The following HDAC8 variants were observed in gnomAD, a reference collection of about 807,000 sequenced individuals.
HDAC8 encodes histone deacetylase 8.
A neutral mutation model predicts 32.2 loss-of-function variants in HDAC8; 1 was observed. The observed-to-expected ratio is 0.03, with a 90% CI of 0.01 to 0.15. The LOEUF is 0.15. HDAC8 is among the 10% of genes least tolerant of loss of function. HDAC8 has a pLI of 1.00. For synonymous variants in HDAC8, 108 were observed against 113.9 expected (o/e 0.95, Z 0.33); for missense variants, 117 against 300.0 (o/e 0.39, Z 4.51).
intron 9 of HDAC8, among the ~76,000 whole-genome samples, chrX:72,433,306 AC>A (rs2046868031): frequency 9.0e-6 from 1 of 111,236 alleles, no homozygotes; most frequent in Non-Finnish European, 1.9e-5. Flanking sequence ...AATGCATAGA[AC>A]AGTCCCCCTA....
intron 9 of HDAC8, among the ~76,000 whole-genome samples, chrX:72,370,841 T>C (rs782121224): frequency 8.9e-6 from 1 of 111,917 alleles, no homozygotes; most frequent in South Asian, 3.8e-4. Flanking sequence ...TCCTTTCACA[T>C]TTTTCTGCCT....
At chrX:72,372,422 C>T (rs144369925) in intron 9 of HDAC8, among the ~76,000 whole-genome samples, 11 of 111,092 alleles carry the variant, frequency 9.9e-5, no homozygotes, top group East Asian at 2.8e-4. Flanking sequence ...CTATATAGCA[C>T]GGGGCCTAGA....
chrX:72,515,598 T>TGGGGGGGGAG (rs1436119028), intron 4 of HDAC8, among the ~76,000 whole-genome samples: 1 of 22,160 alleles, frequency 4.5e-5, no homozygotes, highest in Non-Finnish European at 8.0e-5. Context: ...GGGGGGGGGG[T>TGGGGGGGGAG]GGGGGGGAAG....
rs782351929 is a variant in HDAC8 at position 72,542,076 on chromosome X, T to TTGA, written c.437+25810_437+25812dup. 7.1e-3 allele frequency among the ~76,000 whole-genome samples: 798 copies of TTGA among 112,402 alleles called. 12 individuals are homozygous for TTGA. The highest frequency in any genetic ancestry group is 0.024 in the African/African-American group (753 of 30,951). ...CCTTCTCTTCACCCCCAACAGCCAA[T>TTGA]TGATCACCATGTCCATTCTGTCAAT... On this transcript the variant is annotated intron_variant, in intron 4 of 10. Transcript: ENST00000373573.
intron 7 of HDAC8, among the ~76,000 whole-genome samples, chrX:72,483,229 G>C (rs1009936707): frequency 9.0e-6 from 1 of 111,626 alleles, no homozygotes; most frequent in African/African-American, 3.3e-5. Context: ...GATATAGTTT[G>C]AATGTGTGTC....
At chrX:72,442,330 G>T (rs530102463) in intron 9 of HDAC8, among the ~76,000 whole-genome samples, 1 of 111,516 alleles carries the variant, frequency 9.0e-6, no homozygotes, top group Non-Finnish European at 1.9e-5. Flanking sequence ...GACTAACAGC[G>T]GATCTCTCGG....
chrX:72,397,256 G>A (rs781881574), intron 9 of HDAC8, among the ~76,000 whole-genome samples: 3 of 111,439 alleles, frequency 2.7e-5, no homozygotes, highest in Admixed American at 9.5e-5. Flanking sequence ...ATTTGAGTGC[G>A]GACAAATATT....
rs1439136402 is a variant in HDAC8, at chrX:72,354,257, A to T, written c.1006-2419T>A. ...AGTCTGGGTTCCTCAAGTTCTCCCC[A>T]CCTTTGCCAATCAGATGTTATTCCC... On this transcript the variant is annotated intron_variant, in intron 9 of 10. Transcript: ENST00000373573. Among the ~76,000 whole-genome samples the T allele has an allele frequency of 2.7e-5, 3 of 111,690 alleles. No homozygotes were observed. The East Asian group carries it at 8.4e-4, about 31-fold the overall frequency.
chrX:72,477,250 T>C (rs1387928431), intron 7 of HDAC8, among the ~76,000 whole-genome samples: 1 of 111,933 alleles, frequency 8.9e-6, no homozygotes, highest in East Asian at 2.8e-4. Context: ...CTTGTGCTTA[T>C]GCTCTCTGCC....
chrX:72,378,040 A>AT (rs1195046912), intron 9 of HDAC8, among the ~76,000 whole-genome samples: 20 of 104,670 alleles, frequency 1.9e-4, no homozygotes, highest in Admixed American at 4.1e-4. Flanking sequence ...GTATATGTAT[A>AT]TTTTTTTTTT....
intron 10 of HDAC8, among the ~76,000 whole-genome samples, chrX:72,346,691 C>A (rs2044036637): frequency 9.4e-6 from 1 of 106,447 alleles, no homozygotes; most frequent in African/African-American, 3.5e-5. Flanking sequence ...GGTGAGCTGG[C>A]TTCTCCTACC....
At chrX:72,400,502 A>G (rs1255322564) in intron 9 of HDAC8, among the ~76,000 whole-genome samples, 3 of 111,929 alleles carry the variant, frequency 2.7e-5, no homozygotes, top group East Asian at 5.6e-4. Flanking sequence ...CATCCCACAC[A>G]CAATATGTGA....
chrX:72,400,138 C>T (rs2045865549), intron 9 of HDAC8, among the ~76,000 whole-genome samples: 1 of 111,657 alleles, frequency 9.0e-6, no homozygotes, highest in Non-Finnish European at 1.9e-5. Flanking sequence ...CTAGTTCTTC[C>T]TCATTTCTCC....
intron 9 of HDAC8, among the ~76,000 whole-genome samples, chrX:72,403,422 C>T (rs1258563975): frequency 2.7e-5 from 3 of 112,013 alleles, no homozygotes; most frequent in Non-Finnish European, 5.6e-5. Flanking sequence ...AGCTTCACTG[C>T]CTCCCTCTCT....
At chrX:72,484,756 C>G (rs1288336733) in intron 7 of HDAC8, among the ~76,000 whole-genome samples, 1 of 111,833 alleles carries the variant, frequency 8.9e-6, no homozygotes, top group Non-Finnish European at 1.9e-5. Context: ...TAGTGCCCTA[C>G]TATTTATCAA....
intron 4 of HDAC8, among the ~76,000 whole-genome samples, chrX:72,496,376 A>G (rs1426187677): frequency 2.7e-5 from 3 of 110,669 alleles, no homozygotes; most frequent in African/African-American, 9.8e-5. Flanking sequence ...ATATCTTTAG[A>G]CACTGACTTT....
intron 9 of HDAC8, among the ~76,000 whole-genome samples, chrX:72,391,100 C>T (rs1415922325): frequency 8.9e-6 from 1 of 111,869 alleles, no homozygotes; most frequent in East Asian, 2.8e-4. Context: ...CCTGTATTAG[C>T]CAGTATCACT....
intron 7 of HDAC8, among the ~76,000 whole-genome samples, chrX:72,472,357 G>A (rs544905989): frequency 8.1e-5 from 9 of 111,494 alleles, no homozygotes; most frequent in African/African-American, 2.6e-4. Context: ...GTGAGCCACC[G>A]CGCCCGGCCC....
intron 4 of HDAC8, among the ~76,000 whole-genome samples, chrX:72,513,844 C>T (rs1205178117): frequency 1.8e-5 from 2 of 111,578 alleles, no homozygotes; most frequent in Non-Finnish European, 3.8e-5. Context: ...GGGCCTGTGA[C>T]CCATTGTTCA....
Sources: allele counts gnomAD v4.1 joint callset (sites outside exome capture counted in the v4.1 genomes callset), GRCh38; gene constraint gnomAD v4.1.1; transcripts MANE v1.5; gene names NCBI Gene and HGNC (gene_info 2026-07-23, HGNC 2026-07-21).